The following SETX variants were observed in gnomAD, a reference collection of about 807,000 sequenced individuals.
SETX encodes helicase senataxin.
Under a neutral mutation model 227.2 loss-of-function variants are expected in SETX, and 90 were observed. The observed-to-expected ratio is 0.40, with a 90% CI of 0.33 to 0.47. SETX has a LOEUF of 0.47. SETX is among the 20% of genes least tolerant of loss of function. The pLI is 0.91. For missense variants in SETX, 3,052 were observed against 3,181.5 expected, an observed-to-expected ratio of 0.96 and a Z score of 0.98; for synonymous variants, 1,210 against 1,113.2, an observed-to-expected ratio of 1.09 and a Z score of -1.73.
intron 2 of SETX, 146 bp downstream of exon 2, chr9:132,353,503 T>TC: frequency 1.3e-5 from 2 of 150,928 alleles, no homozygotes; most frequent in East Asian, 3.9e-4. Context: ...TGTCATCACG[T>TC]CTGGGGGGGG....
intron 2 of SETX, 93 bp from the exon 3 acceptor site, chr9:132,349,528 T>C: frequency 2.2e-6 from 3 of 1,342,284 alleles, no homozygotes; most frequent in Non-Finnish European, 3.1e-6. Context: ...GACCCTGGTT[T>C]CAATTTAAAA....
rs1846799754 is a variant in SETX at position 132,326,707 on chromosome 9, T to C, written c.4891A>G (p.Ile1631Val). 1 of 1,614,204 alleles carries C rather than the reference T, an allele frequency of 6.2e-7. No individual in the cohort carries two copies. The highest frequency in any genetic ancestry group is 1.1e-5 in the South Asian group (1 of 91,084). The change falls in exon 10 of 26, where the codon ATA (isoleucine) becomes GTA (valine). Residue 1631 changes from isoleucine to valine, a missense_variant. By Grantham distance (29) the Ile-to-Val change is conservative. Coordinates refer to ENST00000224140, the MANE Select transcript of SETX (RefSeq NM_015046.7). ...TGTGGTACTTTCAAAATCGACTGTA[T>C]CCCCTTTGACTTATTTTTTAGAGAC... Reference protein sequence around the residue: ...SPSLKNKSKGIQSILKVPQPV... With the variant: ...SPSLKNKSKGVQSILKVPQPV...
chr9:132,331,126 G>A lies in SETX; in HGVS notation c.1024C>T (p.Pro342Ser). ...ACCATATCATCCAAATAGGACTCCG[G>A]TTCTAACTTGGTCCTTAAATATTAA... is the stretch of plus-strand genomic sequence containing the variant. ...RNSSVRTKLE[P>S]ESYLDDMVTC... The change falls in exon 9 of 26, where the codon CCG becomes TCG. Residue 342 changes from proline to serine, a missense_variant. This residue lies in a region of SETX where 239 missense variants were observed against 240.8 expected (regional missense o/e 0.99). Transcript: ENST00000224140. 3 of 1,613,420 alleles carry A rather than the reference G, an allele frequency of 1.9e-6. No homozygotes were observed. Among genetic ancestry groups the A allele is most frequent in the Non-Finnish European group, 2.5e-6 (3 of 1,179,470 alleles).
At chr9:132,353,020 T>G (rs931260153) in intron 2 of SETX, among the ~76,000 whole-genome samples, 1 of 152,200 alleles carries the variant, frequency 6.6e-6, no homozygotes, top group Non-Finnish European at 1.5e-5. Flanking sequence ...TTGCCTGGAT[T>G]ACTGAAGAAG....
rs3739927 is a variant in SETX at position 132,264,439 on chromosome 9, T to C, written c.7834A>G (p.Ser2612Gly). The change falls in exon 26 of 26, where the codon AGT (serine) becomes GGT (glycine). Residue 2612 changes from serine (S) to glycine (G), a missense_variant. By Grantham distance (56) the Ser-to-Gly change is moderately conservative. Around this residue, in one of 10 missense-constraint regions of SETX, gnomAD observed 294 missense variants for 278.8 expected, o/e 1.05. Coordinates refer to ENST00000224140, the MANE Select transcript of SETX (RefSeq NM_015046.7). The part of the protein sequence containing the change: ...PPVRGEPPAA[S>G]PEASTCQSKC... The stretch of plus-strand genomic sequence containing the variant: ...CTCTGACACGTGGAAGCCTCGGGAC[T>C]GGCAGCTGGAGGTTCGCCCCGCACG... 84,470 of 1,609,902 alleles carry C rather than the reference T, an allele frequency of 0.052. 6,176 individuals are homozygous for C. Among genetic ancestry groups the C allele is most frequent in the East Asian group, 0.39 (17,487 of 44,636 alleles).
intron 11 of SETX, among the ~76,000 whole-genome samples, chr9:132,311,539 T>C (rs891276547): frequency 2.0e-5 from 3 of 152,144 alleles, no homozygotes; most frequent in African/African-American, 7.2e-5. Context: ...ATTCAGCCTG[T>C]AGTATTCTAA....
intron 15 of SETX, among the ~76,000 whole-genome samples, chr9:132,288,970 A>G (rs1384176149): frequency 2.0e-5 from 3 of 152,218 alleles, no homozygotes; most frequent in African/African-American, 7.2e-5. Context: ...AGGACATTCC[A>G]TAGCAAAATA....
At chr9:132,348,705 C>A (rs949676045) in intron 3 of SETX, among the ~76,000 whole-genome samples, 1 of 151,108 alleles carries the variant, frequency 6.6e-6, no homozygotes, top group African/African-American at 2.4e-5. Flanking sequence ...CCGGAAGGAT[C>A]ACTTGAGCTC....
At chr9:132,286,168 C>A (rs1843871506) in intron 18 of SETX, among the ~76,000 whole-genome samples, 1 of 125,954 alleles carries the variant, frequency 7.9e-6, no homozygotes, top group Non-Finnish European at 1.6e-5. Context: ...GGTGACAGAG[C>A]AAGACTTCAC....
intron 11 of SETX, among the ~76,000 whole-genome samples, chr9:132,309,648 C>T (rs1222110062): frequency 6.6e-6 from 1 of 151,836 alleles, no homozygotes; most frequent in African/African-American, 2.4e-5. Flanking sequence ...TGAGATCAGC[C>T]TGGGCAACGG....
chr9:132,305,699 G>A (rs1845294650), intron 11 of SETX, among the ~76,000 whole-genome samples: 1 of 152,146 alleles, frequency 6.6e-6, no homozygotes, highest in Non-Finnish European at 1.5e-5. Flanking sequence ...TAACTGGACA[G>A]CACTCTTTAA....
In SETX at chr9:132,278,206, G is replaced by A. The variant is rs1293517053; in HGVS notation, c.6706C>T (p.Leu2236=). ...TTGTGTTCTACATTCTCTTCCAGCAGTCTGCAGAAGCGAGCCATCATTGAC... is the reference window on the plus strand; with the variant it reads ...TTGTGTTCTACATTCTCTTCCAGCAATCTGCAGAAGCGAGCCATCATTGAC... ...DQSMMARFCR[L]LEENVEHNMI... Residue 2236 remains leucine, a synonymous_variant, in exon 21 of 26, where the codon CTG becomes TTG. Transcript: ENST00000224140. 6.2e-6 allele frequency: 10 copies of A among 1,614,048 alleles called. No homozygotes were observed. Among genetic ancestry groups the A allele is most frequent in the Non-Finnish European group, 8.5e-6 (10 of 1,180,032 alleles).
chr9:132,277,206 A>C (rs1336544095), intron 21 of SETX, 54 bp from the exon 22 acceptor site: 15 of 1,513,520 alleles, frequency 9.9e-6, no homozygotes, highest in Non-Finnish European at 1.3e-5. Flanking sequence ...ATTTAAGAAA[A>C]TATCTTGGTA....
At position 132,327,401 on chromosome 9, in the gene SETX, T is replaced by C. The variant is rs148078248; in HGVS notation, c.4197A>G (p.Thr1399=). ...TGTTGGCAAGTACCTCAGTTCCTCC[T>C]GTACAATTATAATCTGACCTATCAG... ...PESDRSDYNC[T]GGTEVLANSN... The change falls in exon 10 of 26, where the codon ACA becomes ACG. Residue 1399 remains threonine (T), a synonymous_variant. Coordinates refer to ENST00000224140, the MANE Select transcript of SETX (RefSeq NM_015046.7). The C allele has an allele frequency of 6.4e-4, 1,028 of 1,614,224 alleles. 2 individuals are homozygous for C. The highest frequency in any genetic ancestry group is 8.0e-4 in the Non-Finnish European group (944 of 1,180,018).
At chr9:132,353,027 G>A (rs1450272634) in intron 2 of SETX, among the ~76,000 whole-genome samples, 1 of 152,136 alleles carries the variant, frequency 6.6e-6, no homozygotes, top group Admixed American at 6.5e-5. Flanking sequence ...GATTACTGAA[G>A]AAGCCTAAAT....
At chr9:132,289,246 C>T (rs1844134988) in intron 15 of SETX, among the ~76,000 whole-genome samples, 3 of 152,218 alleles carry the variant, frequency 2.0e-5, no homozygotes, top group Admixed American at 1.3e-4. Flanking sequence ...TATGCCAGCT[C>T]CTAGTTAGGC....
chr9:132,278,348 T>G, intron 20 of SETX, 91 bp from the exon 21 acceptor site: 1 of 1,280,476 alleles, frequency 7.8e-7, no homozygotes, highest in East Asian at 2.3e-5. Flanking sequence ...CTAATACGTA[T>G]ATGGCAACGT....
chr9:132,267,483 G>A (rs898242434), intron 25 of SETX, among the ~76,000 whole-genome samples: 2 of 152,234 alleles, frequency 1.3e-5, no homozygotes, highest in Admixed American at 6.5e-5. Context: ...GAAATCAAAC[G>A]CTTTAATGAT....
At chr9:132,291,550 T>G (rs544306736) in intron 15 of SETX, among the ~76,000 whole-genome samples, 3 of 152,236 alleles carry the variant, frequency 2.0e-5, no homozygotes, top group Admixed American at 6.5e-5. Context: ...CACCCAGAAA[T>G]GTTCCGCAAA....
Sources: gnomAD v4.1 joint callset for allele counts (sites outside exome capture counted in the v4.1 genomes callset) on GRCh38, gnomAD v4.1.1 for gene constraint, gnomAD v4.1.1 regional missense constraint, MANE v1.5 for transcripts, NCBI Gene and HGNC (gene_info 2026-07-23, HGNC 2026-07-21) for gene names.